The following TTC28 variants were observed in gnomAD, a reference collection of about 807,000 sequenced individuals.
The protein encoded by TTC28 is tetratricopeptide repeat protein 28.
A neutral mutation model predicts 198.0 loss-of-function variants in TTC28; 61 were observed. That is an observed-to-expected ratio of 0.31 (90% CI 0.25 to 0.38). The LOEUF is 0.38. TTC28 is among the 10% of genes least tolerant of loss of function. TTC28 has a pLI of 1.00. For missense variants in TTC28, 2,678 were observed against 3,164.0 expected (o/e 0.85, Z 3.69); for synonymous variants, 1,171 against 1,297.8 (o/e 0.90, Z 2.10).
chr22:28,293,631 C>G (rs2044831644), intron 5 of TTC28, among the ~76,000 whole-genome samples: 1 of 152,030 alleles, frequency 6.6e-6, no homozygotes, highest in South Asian at 2.1e-4. Context: ...TGTTCCCCCC[C>G]TCCAACAGAA....
chr22:28,495,272 A>G (rs1480287416), intron 2 of TTC28, among the ~76,000 whole-genome samples: 1 of 152,194 alleles, frequency 6.6e-6, no homozygotes, highest in Non-Finnish European at 1.5e-5. Flanking sequence ...TCCCTAGAGC[A>G]TACTGTTACA....
chr22:28,020,095 C>T (rs1014493543), intron 13 of TTC28, among the ~76,000 whole-genome samples: 7 of 152,226 alleles, frequency 4.6e-5, no homozygotes, highest in African/African-American at 1.4e-4. Flanking sequence ...AGGATAGGGG[C>T]TTTTGCTGTG....
intron 2 of TTC28, among the ~76,000 whole-genome samples, chr22:28,559,817 C>T (rs2049841705): frequency 6.6e-6 from 1 of 152,202 alleles, no homozygotes; most frequent in Admixed American, 6.5e-5. Context: ...CCACAAGACT[C>T]AGTCCTCAGT....
chr22:28,344,980 G>A (rs537595881), intron 2 of TTC28, among the ~76,000 whole-genome samples: 1 of 152,232 alleles, frequency 6.6e-6, no homozygotes, highest in Admixed American at 6.5e-5. Flanking sequence ...AGATTCAGAC[G>A]GTAAGCAGCT....
At chr22:28,572,420 TTATAG>T (rs2050078179) in intron 2 of TTC28, among the ~76,000 whole-genome samples, 1 of 152,180 alleles carries the variant, frequency 6.6e-6, no homozygotes, top group African/African-American at 2.4e-5. Flanking sequence ...ATTACATAAA[TTATAG>T]TATATCTATG....
intron 2 of TTC28, among the ~76,000 whole-genome samples, chr22:28,586,485 G>C (rs921376630): frequency 6.6e-6 from 1 of 152,010 alleles, no homozygotes; most frequent in Non-Finnish European, 1.5e-5. Flanking sequence ...TGGAAAGATA[G>C]ACATCAAGTG....
intron 16 of TTC28, among the ~76,000 whole-genome samples, chr22:27,997,198 C>T (rs1274472591): frequency 6.6e-6 from 1 of 152,238 alleles, no homozygotes; most frequent in African/African-American, 2.4e-5. Flanking sequence ...AGCAGCCCTC[C>T]GTGCCTGCTT....
intron 2 of TTC28, among the ~76,000 whole-genome samples, chr22:28,451,237 T>C (rs764823198): frequency 5.3e-5 from 8 of 152,324 alleles, no homozygotes; most frequent in Admixed American, 1.3e-4. Flanking sequence ...CGGGATATCA[T>C]TGAATACCTG....
chr22:28,604,496 C>T (rs368240929), intron 2 of TTC28, among the ~76,000 whole-genome samples: 40 of 151,776 alleles, frequency 2.6e-4, no homozygotes, highest in African/African-American at 9.4e-4. Flanking sequence ...GTAATCCCAG[C>T]ACTTTGGGAG....
At chr22:28,268,257 G>C (rs111267594) in intron 5 of TTC28, among the ~76,000 whole-genome samples, 1 of 152,166 alleles carries the variant, frequency 6.6e-6, no homozygotes, top group Non-Finnish European at 1.5e-5. Context: ...TCTTTCCAAG[G>C]CTTCTAGAAA....
chr22:28,017,165 C>T (rs568201816), intron 13 of TTC28, among the ~76,000 whole-genome samples: 8 of 152,300 alleles, frequency 5.3e-5, no homozygotes, highest in African/African-American at 1.7e-4. Flanking sequence ...GGCTTGGGCA[C>T]GTGAGCTAGA....
At chr22:28,297,461 G>A (rs959578870) in intron 4 of TTC28, 119 bp downstream of exon 4, 2 of 1,219,646 alleles carry the variant, frequency 1.6e-6, no homozygotes, top group Non-Finnish European at 2.2e-6. Flanking sequence ...CAAAGCACTG[G>A]GATTACAGGT....
At chr22:28,348,584 A>C (rs2045945256) in intron 2 of TTC28, among the ~76,000 whole-genome samples, 1 of 152,214 alleles carries the variant, frequency 6.6e-6, no homozygotes, top group Non-Finnish European at 1.5e-5. Context: ...CTACTTCTCC[A>C]TGCCTTCAAA....
chr22:28,164,934 A>C (rs1471334053), intron 5 of TTC28, among the ~76,000 whole-genome samples: 2 of 152,228 alleles, frequency 1.3e-5, no homozygotes, highest in East Asian at 3.8e-4. Context: ...CCTTGAAAAA[A>C]AACTAGACAA....
chr22:28,452,654 C>A (rs2047800306), intron 2 of TTC28, among the ~76,000 whole-genome samples: 1 of 151,956 alleles, frequency 6.6e-6, no homozygotes, highest in South Asian at 2.1e-4. Flanking sequence ...AGAGAATAAC[C>A]ATAGTCATTT....
chr22:28,579,145 T>C (rs2050194233), intron 2 of TTC28, among the ~76,000 whole-genome samples: 1 of 150,576 alleles, frequency 6.6e-6, no homozygotes, highest in African/African-American at 2.5e-5. Context: ...CATATATGTA[T>C]ATAGCTATAC....
chr22:28,464,450 C>T (rs2047991749), intron 2 of TTC28, among the ~76,000 whole-genome samples: 1 of 152,176 alleles, frequency 6.6e-6, no homozygotes, highest in East Asian at 1.9e-4. Flanking sequence ...GAAGCATATG[C>T]ATATTTACTG....
Position 28,679,664 on chromosome 22 carries a change from G to C in TTC28, c.60C>G (p.Ser20Arg). 7.1e-7 allele frequency: 1 copy of C among 1,415,630 alleles called. No homozygotes were observed. Among genetic ancestry groups the C allele is most frequent in the South Asian group, 1.4e-5 (1 of 70,076 alleles). 87.7% of individuals were successfully genotyped at this position (1,415,630 alleles called of 1,614,324 possible). A position where few individuals can be genotyped will look rare whatever the true frequency, so the allele number is the denominator to read the frequency against. The stretch of plus-strand genomic sequence containing the variant: ...GCGACTCTGGCTCCCGCCGCCTTCG[G>C]CTCCTTGCGGGGGTCGGCCCTTGGG... The part of the protein sequence containing the change: ...EPTQGPTPAR[S>R]RRRREPESPP... Residue 20 changes from serine to arginine, a missense_variant, in exon 1 of 23, where the codon AGC becomes AGG. Physicochemically the swap from Ser to Arg is moderately radical, Grantham distance 110 (BLOSUM62 -1). This residue lies in a region of TTC28 where 22 missense variants were observed against 55.0 expected (regional missense o/e 0.40). Coordinates refer to ENST00000397906, the MANE Select transcript of TTC28 (RefSeq NM_001145418.2).
At chr22:28,017,852 A>G (rs1487580696) in intron 13 of TTC28, among the ~76,000 whole-genome samples, 1 of 152,078 alleles carries the variant, frequency 6.6e-6, no homozygotes, top group African/African-American at 2.4e-5. Context: ...GGGCTAACAC[A>G]GTGCAGATTC....
Sources: gnomAD v4.1 joint callset for allele counts (sites outside exome capture counted in the v4.1 genomes callset) on GRCh38, gnomAD v4.1.1 for gene constraint, gnomAD v4.1.1 regional missense constraint, MANE v1.5 for transcripts, NCBI Gene and HGNC (gene_info 2026-07-23, HGNC 2026-07-21) for gene names.